EMX2: variants seen among roughly 807,000 people sequenced by gnomAD.
EMX2 encodes homeobox protein EMX2.
Under a neutral mutation model 23.0 loss-of-function variants are expected in EMX2, and 6 were observed. The observed-to-expected ratio is 0.26, with a 90% CI of 0.14 to 0.52. EMX2 has a LOEUF of 0.52. Ranked by LOEUF, EMX2 falls within the 20% of genes least tolerant of loss-of-function variation. EMX2 has a pLI of 0.97. For missense variants in EMX2, 302 were observed against 341.4 expected (o/e 0.88, Z 0.91); for synonymous variants, 175 against 153.3 (o/e 1.14, Z -1.04).
chr10:117,546,381 C>T (rs1173091252), intron 2 of EMX2, among the ~76,000 whole-genome samples: 1 of 152,226 alleles, frequency 6.6e-6, no homozygotes, highest in East Asian at 1.9e-4. Context: ...AGGGCACAGG[C>T]CTTCTGCACA....
intron 2 of EMX2, among the ~76,000 whole-genome samples, chr10:117,547,540 C>G (rs1846596146): frequency 6.6e-6 from 1 of 152,164 alleles, no homozygotes; most frequent in Non-Finnish European, 1.5e-5. Context: ...CTACCCAGGG[C>G]CCCCGCCACG....
Position 117,548,366 on chromosome 10 carries a change from G to C in EMX2, c.*134G>C. On this transcript the variant is annotated 3_prime_UTR_variant, in exon 3 of 3. Coordinates refer to ENST00000553456, the MANE Select transcript of EMX2 (RefSeq NM_004098.4). ...CCGAGAAAGGGAGAGGGAATCGGAG[G>C]GAGCAGCGGAATGCGGCGAAGACTC... 7.3e-7 allele frequency: 1 copy of C among 1,369,892 alleles called. No individual in the cohort carries two copies. The highest frequency in any genetic ancestry group is 9.9e-7 in the Non-Finnish European group (1 of 1,012,702). The allele number at this position is 1,369,892 out of a possible 1,614,324, so 84.9% of individuals were successfully genotyped here.
At chr10:117,546,057 G>C (rs1333549579) in intron 2 of EMX2, among the ~76,000 whole-genome samples, 1 of 152,230 alleles carries the variant, frequency 6.6e-6, no homozygotes, top group African/African-American at 2.4e-5. Context: ...TTGTTTCTCT[G>C]TCCAGTTGGG....
In EMX2 at chr10:117,543,349, G is replaced by C; in HGVS notation, c.82G>C (p.Glu28Gln). The stretch of plus-strand genomic sequence containing the variant: ...CAGTCCCCTGCCCGCCTCGCGCTCC[G>C]AGGACCCCATCCGTCCCGCGGCACT... ...KDSPLPASRS[E>Q]DPIRPAALSY... Residue 28 changes from glutamate to glutamine, a missense_variant, in exon 1 of 3, where the codon GAG (glutamate) becomes CAG (glutamine). Glu to Gln is a conservative substitution (Grantham distance 29, BLOSUM62 2). This residue lies in a region of EMX2 where 221 missense variants were observed against 206.8 expected (regional missense o/e 1.07). Transcript: ENST00000553456. The C allele has an allele frequency of 1.9e-6, 3 of 1,561,336 alleles. No individual in the cohort carries two copies. The highest frequency in any genetic ancestry group is 1.9e-5 in the Admixed American group (1 of 52,414).
Position 117,543,403 on chromosome 10 carries a change from C to T in EMX2, c.136C>T (p.Pro46Ser). 1.3e-6 allele frequency: 2 copies of T among 1,589,238 alleles called. No individual in the cohort carries two copies. Among genetic ancestry groups the T allele is most frequent in the South Asian group, 1.1e-5 (1 of 88,126 alleles). The change falls in exon 1 of 3, where the codon CCG becomes TCG. Residue 46 changes from proline (P) to serine (S), a missense_variant. This residue lies in a region of EMX2 where 221 missense variants were observed against 206.8 expected (regional missense o/e 1.07). Coordinates refer to ENST00000553456, the MANE Select transcript of EMX2 (RefSeq NM_004098.4). ...LSYANSSPIN[P>S]FLNGFHSAAA... ...CTACGCTAACTCCAGCCCCATAAAT[C>T]CGTTCCTCAACGGCTTCCACTCGGC...
At position 117,548,905 on chromosome 10, in the gene EMX2, G is replaced by T. The variant is rs75535495; in HGVS notation, c.*673G>T. 2 of 372,732 alleles carry T rather than the reference G, an allele frequency of 5.4e-6. No homozygotes were observed. Among genetic ancestry groups the T allele is most frequent in the Non-Finnish European group, 9.5e-6 (2 of 210,842 alleles). The allele number at this position is 372,732 out of a possible 1,614,324, so 23.1% of individuals were successfully genotyped here. A position where few individuals can be genotyped will look rare whatever the true frequency, so the allele number is the denominator to read the frequency against. Reference sequence around the variant, plus strand: ...ATTGTAATTTTCTTTTCCTTTTAAAGACAGGTTCTGTGTGCTTTTTATTTT... The same window carrying T: ...ATTGTAATTTTCTTTTCCTTTTAAATACAGGTTCTGTGTGCTTTTTATTTT... On this transcript the variant is annotated 3_prime_UTR_variant, in exon 3 of 3. Transcript: ENST00000553456.
chr10:117,548,458 C>A lies in EMX2; in HGVS notation c.*226C>A. ...AGATGGCAGAGGATGGAGGCTCCTTCATCAACAAGCGACCCTCGTCTAAAG... is the reference window on the plus strand; with the variant it reads ...AGATGGCAGAGGATGGAGGCTCCTTAATCAACAAGCGACCCTCGTCTAAAG... On this transcript the variant is annotated 3_prime_UTR_variant, in exon 3 of 3. Transcript: ENST00000553456. The A allele has an allele frequency of 3.1e-6, 2 of 635,374 alleles. No homozygotes were observed. The highest frequency in any genetic ancestry group is 2.7e-6 in the Non-Finnish European group (1 of 370,468). The allele number at this position is 635,374 out of a possible 1,614,324, so 39.4% of individuals were successfully genotyped here. A position where few individuals can be genotyped will look rare whatever the true frequency, so the allele number is the denominator to read the frequency against.
In EMX2 at chr10:117,548,202, G is replaced by C; in HGVS notation, c.729G>C (p.Pro243=). Residue 243 remains proline (P), a synonymous_variant, in exon 3 of 3, where the codon CCG becomes CCC. Coordinates refer to ENST00000553456, the MANE Select transcript of EMX2 (RefSeq NM_004098.4). ...RWRIATKQAS[P]EEIDVTSDD is the part of the protein sequence containing the mutation. ...GAATCGCCACCAAGCAGGCGAGTCCGGAGGAAATAGACGTGACCTCAGATG... is the reference window on the plus strand; with the variant it reads ...GAATCGCCACCAAGCAGGCGAGTCCCGAGGAAATAGACGTGACCTCAGATG... 1 of 1,613,892 alleles carries C rather than the reference G, an allele frequency of 6.2e-7. No homozygotes were observed. The highest frequency in any genetic ancestry group is 1.7e-5 in the Admixed American group (1 of 60,016).
intron 2 of EMX2, 107 bp from the exon 3 acceptor site, chr10:117,547,958 T>G: frequency 1.3e-6 from 2 of 1,486,024 alleles, no homozygotes. Context: ...GGGGGCTGGG[T>G]CTTTGCTGAG....
rs768976173 is a variant in EMX2, at chr10:117,543,587, C to A, written c.320C>A (p.Pro107His). Residue 107 changes from proline to histidine, a missense_variant, in exon 1 of 3, where the codon CCC (proline) becomes CAC (histidine). Coordinates refer to ENST00000553456, the MANE Select transcript of EMX2 (RefSeq NM_004098.4). ...CTACCCTCCTCGCACTCGCCACACC[C>A]CCTATTCGCCTCGCAGCAGCGGGAT... ...HPLPSSHSPH[P>H]LFASQQRDPS... The A allele has an allele frequency of 5.0e-5, 80 of 1,613,384 alleles. No individual in the cohort carries two copies. Among genetic ancestry groups the A allele is most frequent in the Non-Finnish European group, 6.4e-5 (76 of 1,179,740 alleles).
rs762209212 is a variant in EMX2, at chr10:117,543,027, G to A, written c.-241G>A. The A allele has an allele frequency of 2.0e-6, 1 of 491,366 alleles. No individual in the cohort carries two copies. Among genetic ancestry groups the A allele is most frequent in the Non-Finnish European group, 3.5e-6 (1 of 286,764 alleles). 30.4% of individuals were successfully genotyped at this position (491,366 alleles called of 1,614,324 possible). On this transcript the variant is annotated 5_prime_UTR_variant, in exon 1 of 3. Coordinates refer to ENST00000553456, the MANE Select transcript of EMX2 (RefSeq NM_004098.4). ...GATTTTCCCCCCTCTCTTCAGGTTGGGCGCGTTTGGTGCAAGATTCTCGGG... is the reference window on the plus strand; with the variant it reads ...GATTTTCCCCCCTCTCTTCAGGTTGAGCGCGTTTGGTGCAAGATTCTCGGG...
chr10:117,543,744 G>T, intron 1 of EMX2, 71 bp downstream of exon 1: 1 of 1,610,472 alleles, frequency 6.2e-7, no homozygotes. Context: ...GCCTGCTCCG[G>T]GTGGGCGCTT....
Position 117,548,554 on chromosome 10 carries a change from GA to G in EMX2, c.*323del. ...AGAGAGAGAAAGAGAGAGAAAGAGA[GA>G]GAGAGAGAGAGAGAGAGAAAGCTGA... On this transcript the variant is annotated 3_prime_UTR_variant, in exon 3 of 3. Transcript: ENST00000553456. 4.8e-6 allele frequency: 1 copy of G among 206,540 alleles called. No homozygotes were observed. Among genetic ancestry groups the G allele is most frequent in the Non-Finnish European group, 9.9e-6 (1 of 100,824 alleles). 12.8% of individuals were successfully genotyped at this position (206,540 alleles called of 1,614,324 possible). A position where few individuals can be genotyped will look rare whatever the true frequency, so the allele number is the denominator to read the frequency against.
intron 2 of EMX2, 142 bp downstream of exon 2, chr10:117,545,958 G>A: frequency 8.3e-7 from 1 of 1,204,206 alleles, no homozygotes; most frequent in Non-Finnish European, 1.2e-6. Flanking sequence ...CTGGGCTCGG[G>A]ATGTATGTCT....
At chr10:117,545,849 A>G in intron 2 of EMX2, 33 bp downstream of exon 2, 2 of 1,613,218 alleles carry the variant, frequency 1.2e-6, no homozygotes, top group Non-Finnish European at 1.7e-6. Flanking sequence ...GAACCCATCT[A>G]GGCGTGCGCC....
At chr10:117,547,585 G>A (rs750741882) in intron 2 of EMX2, among the ~76,000 whole-genome samples, 2 of 152,228 alleles carry the variant, frequency 1.3e-5, no homozygotes, top group Non-Finnish European at 2.9e-5. Flanking sequence ...ACGCCGCCCA[G>A]ACCAGCAGAA....
chr10:117,543,236 G>A lies in EMX2; in HGVS notation c.-32G>A. On this transcript the variant is annotated 5_prime_UTR_variant, in exon 1 of 3. Coordinates refer to ENST00000553456, the MANE Select transcript of EMX2 (RefSeq NM_004098.4). ...CAGCGTGCGGCGGTCGCCAGGAGCTGGGAGCCCAGGGCGCCCGCTCCTCGG... is the reference window on the plus strand; with the variant it reads ...CAGCGTGCGGCGGTCGCCAGGAGCTAGGAGCCCAGGGCGCCCGCTCCTCGG... 1 of 1,418,214 alleles carries A rather than the reference G, an allele frequency of 7.1e-7. No homozygotes were observed. The highest frequency in any genetic ancestry group is 9.3e-7 in the Non-Finnish European group (1 of 1,070,844). 87.9% of individuals were successfully genotyped at this position (1,418,214 alleles called of 1,614,324 possible).
In EMX2 at chr10:117,543,229, A is replaced by AGGAGCTGGGAGCCCAGGGCGCCC; in HGVS notation, c.-37_-15dup. The stretch of plus-strand genomic sequence containing the variant: ...GCGGAGGCAGCGTGCGGCGGTCGCC[A>AGGAGCTGGGAGCCCAGGGCGCCC]GGAGCTGGGAGCCCAGGGCGCCCGC... On this transcript the variant is annotated 5_prime_UTR_variant, in exon 1 of 3. Transcript: ENST00000553456. 1 of 1,281,926 alleles carries AGGAGCTGGGAGCCCAGGGCGCCC rather than the reference A, an allele frequency of 7.8e-7. No individual in the cohort carries two copies. Among genetic ancestry groups the AGGAGCTGGGAGCCCAGGGCGCCC allele is most frequent in the South Asian group, 1.3e-5 (1 of 75,964 alleles). The allele number at this position is 1,281,926 out of a possible 1,614,324, so 79.4% of individuals were successfully genotyped here.
chr10:117,545,363 G>A (rs1358378219), intron 1 of EMX2: 1 of 371,794 alleles, frequency 2.7e-6, no homozygotes, highest in Non-Finnish European at 4.8e-6. Context: ...CGGCTGCGGA[G>A]CCGGCCGAGG....
Sources: allele counts gnomAD v4.1 joint callset (sites outside exome capture counted in the v4.1 genomes callset), GRCh38; gene constraint gnomAD v4.1.1; regional missense constraint gnomAD v4.1.1; transcripts MANE v1.5; gene names NCBI Gene and HGNC (gene_info 2026-07-23, HGNC 2026-07-21).